The following ATP2A2 variants were observed in gnomAD, a reference collection of about 807,000 sequenced individuals.
ATP2A2 encodes the protein ATPase sarcoplasmic/endoplasmic reticulum Ca2+ transporting 2.
Under a neutral mutation model 109.3 loss-of-function variants are expected in ATP2A2, and 14 were observed. The observed-to-expected ratio is 0.13, with a 90% confidence interval of 0.08 to 0.20. The LOEUF is 0.20. ATP2A2 is among the 10% of genes least tolerant of loss of function. The pLI is 1.00. For missense variants in ATP2A2, 657 were observed against 1,321.6 expected, an observed-to-expected ratio of 0.50 and a Z score of 7.80; for synonymous variants, 506 against 490.9, an observed-to-expected ratio of 1.03 and a Z score of -0.41.
At chr12:110,293,178 A>C (rs1369387738) in intron 4 of ATP2A2, among the ~76,000 whole-genome samples, 1 of 151,866 alleles carries the variant, frequency 6.6e-6, no homozygotes, top group East Asian at 1.9e-4. Context: ...CCCAGGTTCA[A>C]GCAGTTCTGC....
At chr12:110,298,228 A>G (rs1254869293) in intron 5 of ATP2A2, among the ~76,000 whole-genome samples, 1 of 152,160 alleles carries the variant, frequency 6.6e-6, no homozygotes, top group Non-Finnish European at 1.5e-5. Flanking sequence ...GCCTTGTCCT[A>G]TTCTCTCATC....
chr12:110,344,878 G>C lies in ATP2A2; in HGVS notation c.2522-8G>C. On this transcript the variant is annotated splice_region_variant and splice_polypyrimidine_tract_variant and intron_variant, in intron 16 of 19. Transcript: ENST00000539276. ...CAAGTGCATCAGCATCACTGTGTTT[G>C]TTCCCAGGTTACGTCGGCGCTGCTA... The C allele has an allele frequency of 6.2e-7, 1 of 1,614,154 alleles. No homozygotes were observed. Among genetic ancestry groups the C allele is most frequent in the Non-Finnish European group, 8.5e-7 (1 of 1,179,992 alleles).
chr12:110,346,809 G>A lies in ATP2A2; in HGVS notation c.*339G>A. ...GCAGACATTGTCAGCAAATTAATTG[G>A]CAGCAGATTTTAGGAAATGAATGTG... On this transcript the variant is annotated 3_prime_UTR_variant, in exon 20 of 20. Transcript: ENST00000539276. 8.8e-7 allele frequency: 1 copy of A among 1,132,730 alleles called. No individual in the cohort carries two copies. Among genetic ancestry groups the A allele is most frequent in the Middle Eastern group, 2.8e-4 (1 of 3,596 alleles). 70.2% of individuals were successfully genotyped at this position (1,132,730 alleles called of 1,614,324 possible).
chr12:110,340,509 G>T lies in ATP2A2; in HGVS notation c.1762-150G>T. On this transcript the variant is annotated intron_variant, in intron 13 of 19. Coordinates refer to ENST00000539276, the MANE Select transcript of ATP2A2 (RefSeq NM_170665.4). This position sits in a 1 kb window ranked among gnomAD's most constrained non-coding sequence, Gnocchi z 6.0. Reference sequence around the variant, plus strand: ...GCTGAGATTGCGCCATGGCACTCCAGCCTGGGCAACAAGAGCGAAACTCCG... The same window carrying T: ...GCTGAGATTGCGCCATGGCACTCCATCCTGGGCAACAAGAGCGAAACTCCG... 1 of 879,540 alleles carries T rather than the reference G, an allele frequency of 1.1e-6. No homozygotes were observed. The highest frequency in any genetic ancestry group is 1.7e-5 in the South Asian group (1 of 57,622). The allele number at this position is 879,540 out of a possible 1,614,324, so 54.5% of individuals were successfully genotyped here.
At chr12:110,332,496 A>G (rs187375902) in intron 8 of ATP2A2, 101 bp from the exon 9 acceptor site, 6 of 993,960 alleles carry the variant, frequency 6.0e-6, no homozygotes, top group African/African-American at 1.6e-5. Context: ...CGTAAATGAA[A>G]GAGGTTGTTT....
intron 3 of ATP2A2, among the ~76,000 whole-genome samples, chr12:110,289,278 C>T (rs1873006688): frequency 6.6e-6 from 1 of 152,164 alleles, no homozygotes; most frequent in African/African-American, 2.4e-5. Context: ...GATTTTTCTC[C>T]CCCAAGAGCT....
chr12:110,322,832 A>C lies in ATP2A2; in HGVS notation c.464-160A>C, dbSNP rs1411082180. The stretch of plus-strand genomic sequence containing the variant: ...ATCTAAAGTTTTTTATGACTCCAAG[A>C]TAGGTTGATCACTTTGCTTGTTTTA... On this transcript the variant is annotated intron_variant, in intron 5 of 19. Transcript: ENST00000539276. 3.3e-5 allele frequency among the ~76,000 whole-genome samples: 5 copies of C among 152,328 alleles called. No homozygotes were observed. The South Asian group carries it at 1.0e-3, about 32-fold the overall frequency.
intron 5 of ATP2A2, 113 bp from the exon 6 acceptor site, chr12:110,322,879 T>C: frequency 2.5e-6 from 2 of 802,832 alleles, no homozygotes; most frequent in South Asian, 2.8e-5. Flanking sequence ...TGTATTTGTG[T>C]TATATGCAGA....
At chr12:110,284,443 G>T (rs3026442) in intron 3 of ATP2A2, among the ~76,000 whole-genome samples, 5 of 152,228 alleles carry the variant, frequency 3.3e-5, no homozygotes, top group African/African-American at 1.2e-4. Context: ...TGTGTTACAA[G>T]TTGAAGCAGT....
chr12:110,320,402 AATCCTC>A (rs1447044694), intron 5 of ATP2A2, among the ~76,000 whole-genome samples: 8 of 152,336 alleles, frequency 5.3e-5, no homozygotes, highest in African/African-American at 1.9e-4. Flanking sequence ...ACGTAAATCA[AATCCTC>A]AGACACCAAA....
intron 3 of ATP2A2, among the ~76,000 whole-genome samples, chr12:110,288,171 C>T (rs1192296388): frequency 7.4e-6 from 1 of 135,768 alleles, no homozygotes; most frequent in Non-Finnish European, 1.5e-5. Context: ...GTAGTAGTGG[C>T]ACGATCATAG....
Position 110,305,632 on chromosome 12 carries a change from G to C in ATP2A2, c.463+8895G>C, listed in dbSNP as rs113223363. 2.0e-3 allele frequency among the ~76,000 whole-genome samples: 298 copies of C among 152,310 alleles called. 3 individuals are homozygous for C. Among genetic ancestry groups the C allele is most frequent in the African/African-American group, 6.8e-3 (282 of 41,560 alleles). On this transcript the variant is annotated intron_variant, in intron 5 of 19. Transcript: ENST00000539276. The stretch of plus-strand genomic sequence containing the variant: ...CTTTAGGTCAGTACCATACTGTCTT[G>C]ATAGCTAGCTGTCGTTTTGTATTTT...
intron 5 of ATP2A2, among the ~76,000 whole-genome samples, chr12:110,304,876 G>A (rs1001533341): frequency 3.9e-5 from 6 of 152,074 alleles, no homozygotes; most frequent in African/African-American, 1.2e-4. Flanking sequence ...TCCAGGCGTC[G>A]TGGCTCATAC....
chr12:110,301,170 G>T (rs755270955), intron 5 of ATP2A2, among the ~76,000 whole-genome samples: 3 of 152,144 alleles, frequency 2.0e-5, no homozygotes, highest in Non-Finnish European at 4.4e-5. Context: ...GCTCTGCCTT[G>T]TTGGGCTGTT....
At chr12:110,312,672 A>C (rs1004434452) in intron 5 of ATP2A2, among the ~76,000 whole-genome samples, 1 of 152,012 alleles carries the variant, frequency 6.6e-6, no homozygotes, top group Non-Finnish European at 1.5e-5. Flanking sequence ...CAACACTGTG[A>C]AATCCCATCT....
chr12:110,313,310 CTTTTTT>C (rs748790705), intron 5 of ATP2A2, among the ~76,000 whole-genome samples: 38 of 113,194 alleles, frequency 3.4e-4, no homozygotes, highest in Admixed American at 4.2e-4. Flanking sequence ...ACCACCTTTC[CTTTTTT>C]TTTTTTTTTT....
At chr12:110,291,625 C>G (rs987128733) in intron 3 of ATP2A2, among the ~76,000 whole-genome samples, 2 of 148,236 alleles carry the variant, frequency 1.3e-5, no homozygotes, top group African/African-American at 4.9e-5. Context: ...ATCATAATCC[C>G]TTTAGTGCTA....
In ATP2A2 at chr12:110,281,361, A is replaced by C. The variant is rs1019728962; in HGVS notation, c.-429A>C. 7 of 151,244 alleles carry C rather than the reference A, an allele frequency of 4.6e-5. No homozygotes were observed. Among genetic ancestry groups the C allele is most frequent in the African/African-American group, 1.7e-4 (7 of 41,172 alleles). 9.4% of individuals were successfully genotyped at this position (151,244 alleles called of 1,614,324 possible). A position where few individuals can be genotyped will look rare whatever the true frequency, so the allele number is the denominator to read the frequency against. ...AGGGACCCGGGCGAGCGCGCCGCGC[A>C]CCGCCCCGCCGGCTCGCCTCCCTCG... On this transcript the variant is annotated 5_prime_UTR_variant, in exon 1 of 20. Transcript: ENST00000539276.
rs1312879648 is a variant in ATP2A2, at chr12:110,349,554, C to T, written c.*3084C>T. Reference sequence around the variant, plus strand: ...TCAGTGAGCTCCCAGGCAAGCAGGGCATCTGGCCGACTTCCCTCACAACAG... The same window carrying T: ...TCAGTGAGCTCCCAGGCAAGCAGGGTATCTGGCCGACTTCCCTCACAACAG... On this transcript the variant is annotated 3_prime_UTR_variant, in exon 20 of 20. Coordinates refer to ENST00000539276, the MANE Select transcript of ATP2A2 (RefSeq NM_170665.4). 3.0e-6 allele frequency: 3 copies of T among 986,434 alleles called. No individual in the cohort carries two copies. Among genetic ancestry groups the T allele is most frequent in the South Asian group, 4.7e-5 (1 of 21,340 alleles). The allele number at this position is 986,434 out of a possible 1,614,324, so 61.1% of individuals were successfully genotyped here. A position where few individuals can be genotyped will look rare whatever the true frequency, so the allele number is the denominator to read the frequency against.
Sources: allele counts gnomAD v4.1 joint callset (sites outside exome capture counted in the v4.1 genomes callset), GRCh38; gene constraint gnomAD v4.1.1; non-coding constraint Gnocchi (gnomAD v3.1); transcripts MANE v1.5; gene names NCBI Gene and HGNC (gene_info 2026-07-23, HGNC 2026-07-21).